ZEB2: variants seen among roughly 807,000 people sequenced by gnomAD.
ZEB2 encodes the protein zinc finger E-box-binding homeobox 2.
Under a neutral mutation model 99.9 loss-of-function variants are expected in ZEB2, and 6 were observed. The observed-to-expected ratio is 0.06, with a 90% CI of 0.03 to 0.12. ZEB2 has a LOEUF of 0.12. Among genes scored for constraint, ZEB2 ranks in the 10% least tolerant of loss-of-function variants. ZEB2 has a pLI of 1.00. For missense variants in ZEB2, 969 were observed against 1,502.8 expected (o/e 0.64, Z 5.87); for synonymous variants, 517 against 542.5 (o/e 0.95, Z 0.65).
intron 9 of ZEB2, among the ~76,000 whole-genome samples, chr2:144,391,714 G>T (rs1703156467): frequency 6.6e-6 from 1 of 152,180 alleles, no homozygotes; most frequent in Admixed American, 6.5e-5. Flanking sequence ...TTATGAATTT[G>T]GTCTCACTTG....
At chr2:144,456,130 A>T (rs969359252) in intron 2 of ZEB2, among the ~76,000 whole-genome samples, 14 of 150,738 alleles carry the variant, frequency 9.3e-5, no homozygotes, top group African/African-American at 2.7e-4. Flanking sequence ...TTTTTTTTTT[A>T]AAGCATTTTA....
Position 144,390,052 on chromosome 2 carries a change from G to A in ZEB2, c.3068-24C>T, listed in dbSNP as rs1280639594. ...TCCTGGGAGAAAGAACAAGATGACA[G>A]GGTGATTAGTGTCTTTGCATGAAGT... On this transcript the variant is annotated intron_variant, in intron 9 of 9. Coordinates refer to ENST00000627532, the MANE Select transcript of ZEB2 (RefSeq NM_014795.4). The A allele has an allele frequency of 3.8e-6, 6 of 1,597,858 alleles. No individual in the cohort carries two copies. The African/African-American group carries it at 8.0e-5, about 21-fold the overall frequency.
chr2:144,445,079 T>TGGAA (rs1324309467), intron 2 of ZEB2: 2 of 152,202 alleles, frequency 1.3e-5, no homozygotes, highest in African/African-American at 2.4e-5. Flanking sequence ...GAAGCACTCC[T>TGGAA]GGAAGCCTGA....
Position 144,389,225 on chromosome 2 carries a change from T to G in ZEB2, c.*226A>C. 2 of 604,600 alleles carry G rather than the reference T, an allele frequency of 3.3e-6. No individual in the cohort carries two copies. Among genetic ancestry groups the G allele is most frequent in the Non-Finnish European group, 5.9e-6 (2 of 341,782 alleles). The allele number at this position is 604,600 out of a possible 1,614,324, so 37.5% of individuals were successfully genotyped here. A position where few individuals can be genotyped will look rare whatever the true frequency, so the allele number is the denominator to read the frequency against. On this transcript the variant is annotated 3_prime_UTR_variant, in exon 10 of 10. Coordinates refer to ENST00000627532, the MANE Select transcript of ZEB2 (RefSeq NM_014795.4). This position sits in a 1 kb window ranked among gnomAD's most constrained non-coding sequence, Gnocchi z 6.8. ...AGGAATTAGTCTCTGAACCACACAG[T>G]TTTTAGGCCTTAACACTGTACAAAA...
chr2:144,515,385 A>G (rs987216443), intron 2 of ZEB2, among the ~76,000 whole-genome samples: 11 of 152,248 alleles, frequency 7.2e-5, no homozygotes, highest in Admixed American at 6.5e-4. Flanking sequence ...AGGAAACACA[A>G]GAGAGGAGAG....
chr2:144,517,999 C>T (rs1462605478), intron 1 of ZEB2: 2 of 275,686 alleles, frequency 7.3e-6, no homozygotes, highest in South Asian at 5.3e-5. Context: ...TTCCTCCCCC[C>T]ACCCTCGCCC....
At position 144,511,486 on chromosome 2, in the gene ZEB2, G is replaced by C; in HGVS notation, c.73+5792C>G. ...CTGTCACACAAGATAAAAGTATTTG[G>C]CACATAGCTATTAAGGCAAAGGCTT... On this transcript the variant is annotated intron_variant, in intron 2 of 9. Transcript: ENST00000627532. The C allele has an allele frequency of 2.3e-6, 3 of 1,279,084 alleles. No homozygotes were observed. In the South Asian group the frequency reaches 3.8e-5, roughly 16 times the overall value. The allele number at this position is 1,279,084 out of a possible 1,614,324, so 79.2% of individuals were successfully genotyped here.
intron 8 of ZEB2, among the ~76,000 whole-genome samples, chr2:144,396,969 T>A (rs538102293): frequency 6.6e-6 from 1 of 152,188 alleles, no homozygotes; most frequent in Non-Finnish European, 1.5e-5. Context: ...TTAGAAATGA[T>A]CTGTAGCTGT....
rs890551035 is a variant in ZEB2, at chr2:144,445,398, G to T, written c.74-15372C>A. On this transcript the variant is annotated intron_variant, in intron 2 of 9. Coordinates refer to ENST00000627532, the MANE Select transcript of ZEB2 (RefSeq NM_014795.4). ...TGTGTAGATTGCAGCATGAACAAAT[G>T]CTTTGACTTGTTTGTTCTTCTCACT... 1.3e-5 allele frequency among the ~76,000 whole-genome samples: 2 copies of T among 149,432 alleles called. No homozygotes were observed. Among genetic ancestry groups the T allele is most frequent in the Non-Finnish European group, 3.0e-5 (2 of 67,296 alleles).
At chr2:144,393,200 G>C (rs1051086666) in intron 9 of ZEB2, among the ~76,000 whole-genome samples, 1 of 152,090 alleles carries the variant, frequency 6.6e-6, no homozygotes, top group Non-Finnish European at 1.5e-5. Context: ...CATTTACATA[G>C]TGTTTCCCTC....
At chr2:144,392,482 A>G (rs1041915871) in intron 9 of ZEB2, among the ~76,000 whole-genome samples, 1 of 152,256 alleles carries the variant, frequency 6.6e-6, no homozygotes, top group Non-Finnish European at 1.5e-5. Context: ...CTCATTCGAT[A>G]ATAAACAGTA....
intron 4 of ZEB2, among the ~76,000 whole-genome samples, chr2:144,416,200 A>T (rs1012037956): frequency 6.6e-5 from 10 of 152,170 alleles, no homozygotes; most frequent in African/African-American, 2.4e-4. Context: ...AAAGTTTCCT[A>T]GTCCCTTTTA....
At chr2:144,452,065 C>T (rs1016789493) in intron 2 of ZEB2, among the ~76,000 whole-genome samples, 3 of 152,262 alleles carry the variant, frequency 2.0e-5, no homozygotes, top group East Asian at 1.9e-4. Flanking sequence ...CTGGGGTCCA[C>T]GGCTAGTTTC....
chr2:144,486,396 A>G lies in ZEB2; in HGVS notation c.73+30882T>C, dbSNP rs971671836. Among the ~76,000 whole-genome samples, 20 of 151,418 alleles carry G rather than the reference A, an allele frequency of 1.3e-4. 1 individual carries two copies. The highest frequency in any genetic ancestry group is 9.2e-4 in the Admixed American group (14 of 15,230). ...TTTTTTTTTTTTTTAAAGAAAGAAT[A>G]TAATGTACTTAACTGTATTTTCATA... is the stretch of plus-strand genomic sequence containing the variant. On this transcript the variant is annotated intron_variant, in intron 2 of 9. Transcript: ENST00000627532.
chr2:144,392,937 G>A (rs994198891), intron 9 of ZEB2, among the ~76,000 whole-genome samples: 10 of 152,138 alleles, frequency 6.6e-5, no homozygotes, highest in African/African-American at 2.4e-4. Context: ...CCATATAACT[G>A]AGAAACAAGA....
Position 144,403,965 on chromosome 2 carries a change from C to T in ZEB2, c.758G>A (p.Arg253His). 1.2e-6 allele frequency: 2 copies of T among 1,614,130 alleles called. No homozygotes were observed. The highest frequency in any genetic ancestry group is 1.1e-5 in the South Asian group (1 of 91,080). The change falls in exon 6 of 10, where the codon CGC (arginine) becomes CAC (histidine). Residue 253 changes from arginine to histidine, a missense_variant. Around this residue, in one of 8 missense-constraint regions of ZEB2, gnomAD observed 65 missense variants for 147.7 expected, o/e 0.44. Coordinates refer to ENST00000627532, the MANE Select transcript of ZEB2 (RefSeq NM_014795.4). ...CPLCSYTFAY[R>H]TQLERHMVTH... ...CACCATATGCCGCTCGAGCTGGGTG[C>T]GGTAGGCAAACGTGTAGCTACAGAG...
chr2:144,517,038 G>C (rs1397314891), intron 2 of ZEB2, among the ~76,000 whole-genome samples: 2 of 149,038 alleles, frequency 1.3e-5, no homozygotes, highest in African/African-American at 5.0e-5. Flanking sequence ...GCCCCGGCCG[G>C]ACCCCCGCGC....
chr2:144,465,010 T>C (rs1357542355), intron 2 of ZEB2, among the ~76,000 whole-genome samples: 1 of 152,152 alleles, frequency 6.6e-6, no homozygotes, highest in African/African-American at 2.4e-5. Context: ...CTGTTGAGAT[T>C]CCACATGCAA....
intron 2 of ZEB2, among the ~76,000 whole-genome samples, chr2:144,515,573 C>T (rs1705119380): frequency 6.6e-6 from 1 of 151,400 alleles, no homozygotes; most frequent in African/African-American, 2.4e-5. Flanking sequence ...GCAGCCTGAA[C>T]TGAATCTTGG....
Sources: allele counts gnomAD v4.1 joint callset (sites outside exome capture counted in the v4.1 genomes callset), GRCh38; gene constraint gnomAD v4.1.1; regional missense constraint gnomAD v4.1.1; non-coding constraint Gnocchi (gnomAD v3.1); transcripts MANE v1.5; gene names NCBI Gene and HGNC (gene_info 2026-07-23, HGNC 2026-07-21).